The following SLC35F1 variants were observed in gnomAD, a reference collection of about 807,000 sequenced individuals.
The protein encoded by SLC35F1 is chromosome 6 open reading frame 169.
A neutral mutation model predicts 48.7 loss-of-function variants in SLC35F1; 14 were observed. The ratio of observed to expected loss-of-function variants is 0.29; its 90% CI spans 0.19 to 0.45. The LOEUF is 0.45. Ranked by LOEUF, SLC35F1 falls within the 20% of genes least tolerant of loss-of-function variation. The probability of loss-of-function intolerance (pLI) is 1.00; values close to 1 mark genes in which losing one functional copy is unlikely to be tolerated. For synonymous variants in SLC35F1, 190 were observed against 202.2 expected, an observed-to-expected ratio of 0.94 and a Z score of 0.51; for missense variants, 404 against 500.0, an observed-to-expected ratio of 0.81 and a Z score of 1.83.
chr6:118,214,045 A>C (rs1230418828), intron 2 of SLC35F1, among the ~76,000 whole-genome samples: 5 of 152,206 alleles, frequency 3.3e-5, no homozygotes, highest in Non-Finnish European at 7.4e-5. Flanking sequence ...ACTTTTCTGT[A>C]GTTTTTGTTG....
chr6:118,065,639 T>G (rs78523497), intron 1 of SLC35F1, among the ~76,000 whole-genome samples: 219 of 152,296 alleles, frequency 1.4e-3, no homozygotes, highest in African/African-American at 5.1e-3. Flanking sequence ...AAGAAAAGAT[T>G]GGACTAGTTC....
intron 2 of SLC35F1, among the ~76,000 whole-genome samples, chr6:118,224,087 A>G (rs921402886): frequency 2.0e-5 from 3 of 152,250 alleles, no homozygotes; most frequent in African/African-American, 7.2e-5. Flanking sequence ...TAGTCTTGTC[A>G]TTAAAAAGGA....
At position 118,009,728 on chromosome 6, in the gene SLC35F1, AGTAAAACTGAGTGCAC is replaced by A. The variant is rs1777220859; in HGVS notation, c.173+101830_173+101845del. 2.6e-5 allele frequency among the ~76,000 whole-genome samples: 4 copies of A among 152,298 alleles called. No homozygotes were observed. The South Asian group carries it at 6.2e-4, about 24-fold the overall frequency. ...CTAGTGTGCTTGTAATTATGCACTC[AGTAAAACTGAGTGCAC>A]AAAATGACAACCTCAGTTCCTTAGT... On this transcript the variant is annotated intron_variant, in intron 1 of 7. Coordinates refer to ENST00000360388, the MANE Select transcript of SLC35F1 (RefSeq NM_001029858.4).
intron 2 of SLC35F1, among the ~76,000 whole-genome samples, chr6:118,213,620 G>C (rs1322766768): frequency 6.6e-6 from 1 of 152,118 alleles, no homozygotes; most frequent in Non-Finnish European, 1.5e-5. Context: ...AGACTGCTCT[G>C]CAGATTAAAA....
chr6:118,181,048 A>G (rs1398699012), intron 2 of SLC35F1, among the ~76,000 whole-genome samples: 1 of 152,126 alleles, frequency 6.6e-6, no homozygotes, highest in South Asian at 2.1e-4. Context: ...CTACAATTAC[A>G]TATGTAATAA....
chr6:118,063,340 C>T (rs897032756), intron 1 of SLC35F1, among the ~76,000 whole-genome samples: 8 of 152,172 alleles, frequency 5.3e-5, no homozygotes, highest in African/African-American at 1.9e-4. Context: ...CTACTGTCCT[C>T]ACCTAGTCTG....
chr6:117,938,946 T>C (rs758798218), intron 1 of SLC35F1, among the ~76,000 whole-genome samples: 23 of 151,408 alleles, frequency 1.5e-4, no homozygotes, highest in Non-Finnish European at 3.4e-4. Context: ...CTGAATCCAG[T>C]GTCCATTCCT....
chr6:118,089,429 C>G (rs1166064833), intron 1 of SLC35F1, among the ~76,000 whole-genome samples: 1 of 152,132 alleles, frequency 6.6e-6, no homozygotes, highest in Non-Finnish European at 1.5e-5. Flanking sequence ...CATCTATGAG[C>G]CTTTTGCTAA....
chr6:118,154,768 AAAC>A, intron 2 of SLC35F1, 148 bp downstream of exon 2: 1 of 686,502 alleles, frequency 1.5e-6, no homozygotes. Context: ...GTAATACAGT[AAAC>A]AAAATGAGTG....
At chr6:118,263,807 T>C (rs1303090342) in intron 3 of SLC35F1, among the ~76,000 whole-genome samples, 2 of 152,182 alleles carry the variant, frequency 1.3e-5, no homozygotes, top group African/African-American at 4.8e-5. Flanking sequence ...ATTTTGTCAG[T>C]ATGTTTTATG....
At chr6:118,304,735 C>T (rs1051260471) in intron 7 of SLC35F1, among the ~76,000 whole-genome samples, 1 of 151,878 alleles carries the variant, frequency 6.6e-6, no homozygotes, top group Non-Finnish European at 1.5e-5. Flanking sequence ...TCATCTCATT[C>T]GATGCTCACA....
In SLC35F1 at chr6:117,907,697, G is replaced by C; in HGVS notation, c.-30G>C. On this transcript the variant is annotated 5_prime_UTR_variant, in exon 1 of 8. It removes the in-frame stop codon of an upstream open reading frame in the 5' UTR. Coordinates refer to ENST00000360388, the MANE Select transcript of SLC35F1 (RefSeq NM_001029858.4). ...CACACGATGCACCCGGCTGCGTTCT[G>C]ATCGCCGCCGCGCCTCAGCCTCTGC... 1 of 1,408,600 alleles carries C rather than the reference G, an allele frequency of 7.1e-7. No homozygotes were observed. The highest frequency in any genetic ancestry group is 9.6e-7 in the Non-Finnish European group (1 of 1,045,776). 87.3% of individuals were successfully genotyped at this position (1,408,600 alleles called of 1,614,324 possible).
In SLC35F1 at chr6:118,228,524, G is replaced by A. The variant is rs185647204; in HGVS notation, c.350-6985G>A. ...TTGAGACCAGCCTGGGCAACATGAC[G>A]AAATCCCGACTCTATAAAAATTGGT... On this transcript the variant is annotated intron_variant, in intron 2 of 7. Coordinates refer to ENST00000360388, the MANE Select transcript of SLC35F1 (RefSeq NM_001029858.4). 8.9e-3 allele frequency among the ~76,000 whole-genome samples: 1,347 copies of A among 152,076 alleles called. 6 individuals carry two copies. The highest frequency in any genetic ancestry group is 0.012 in the South Asian group (58 of 4,822).
intron 1 of SLC35F1, among the ~76,000 whole-genome samples, chr6:117,950,399 T>G (rs6568991): frequency 0.8 from 121,097 of 152,146 alleles, 48,406 homozygotes; most frequent in South Asian, 0.89. Context: ...CACAGTTCTC[T>G]GTTACTGTGT....
intron 2 of SLC35F1, among the ~76,000 whole-genome samples, chr6:118,219,050 G>A (rs1775112257): frequency 6.6e-6 from 1 of 152,096 alleles, no homozygotes; most frequent in African/African-American, 2.4e-5. Context: ...CTATTTCTAT[G>A]AATTTTAACA....
intron 1 of SLC35F1, among the ~76,000 whole-genome samples, chr6:118,000,084 C>T (rs1413786500): frequency 6.6e-6 from 1 of 152,152 alleles, no homozygotes; most frequent in African/African-American, 2.4e-5. Flanking sequence ...AGGGAATCCT[C>T]CCTAACTCAT....
intron 4 of SLC35F1, among the ~76,000 whole-genome samples, chr6:118,272,485 C>T (rs565493838): frequency 4.6e-5 from 7 of 152,068 alleles, no homozygotes; most frequent in East Asian, 3.9e-4. Context: ...TTGCTATCAC[C>T]GTGTCAGGCA....
intron 1 of SLC35F1, among the ~76,000 whole-genome samples, chr6:118,045,366 A>G (rs760631337): frequency 1.7e-4 from 26 of 152,190 alleles, no homozygotes; most frequent in Non-Finnish European, 3.4e-4. Flanking sequence ...GGTCAAGTTC[A>G]CTAGATATAT....
At chr6:118,158,896 T>C (rs1774183488) in intron 2 of SLC35F1, among the ~76,000 whole-genome samples, 1 of 152,162 alleles carries the variant, frequency 6.6e-6, no homozygotes, top group African/African-American at 2.4e-5. Flanking sequence ...CACCTCTATA[T>C]AGGTGTTCTT....
Sources: allele counts gnomAD v4.1 joint callset (sites outside exome capture counted in the v4.1 genomes callset), GRCh38; gene constraint gnomAD v4.1.1; transcripts MANE v1.5; gene names NCBI Gene and HGNC (gene_info 2026-07-23, HGNC 2026-07-21).